AP3B2: variants seen among roughly 807,000 people sequenced by gnomAD.
The protein encoded by AP3B2 is adaptor related protein complex 3 subunit beta 2.
A neutral mutation model predicts 126.9 loss-of-function variants in AP3B2; 50 were observed. That is an observed-to-expected ratio of 0.39 (90% CI 0.31 to 0.50). The LOEUF is 0.50. Among genes scored for constraint, AP3B2 ranks in the 20% least tolerant of loss-of-function variants. The probability of loss-of-function intolerance (pLI) is 0.79; values close to 1 mark genes in which losing one functional copy is unlikely to be tolerated. For synonymous variants in AP3B2, 541 were observed against 565.0 expected (o/e 0.96, Z 0.60); for missense variants, 1,177 against 1,426.4 (o/e 0.83, Z 2.82).
chr15:82,674,558 C>A (rs2151436788), intron 14 of AP3B2, among the ~76,000 whole-genome samples: 1 of 152,336 alleles, frequency 6.6e-6, no homozygotes, highest in East Asian at 1.9e-4. Context: ...GCTGTTACTG[C>A]TGTGTTTAAA....
At chr15:82,666,066 A>C (rs1567257808) in intron 15 of AP3B2, among the ~76,000 whole-genome samples, 1 of 152,190 alleles carries the variant, frequency 6.6e-6, no homozygotes, top group Non-Finnish European at 1.5e-5. Context: ...CACCCTCAGA[A>C]TCTCCCCATT....
rs768334728 is a variant in AP3B2 at position 82,680,136 on chromosome 15, C to T, written c.1110+39G>A. ...ACGCCTCCAGTGCCCGCAGAAGCGGCCCTCGGACAGCGAGGACAGCCCGCC... is the reference window on the plus strand; with the variant it reads ...ACGCCTCCAGTGCCCGCAGAAGCGGTCCTCGGACAGCGAGGACAGCCCGCC... On this transcript the variant is annotated intron_variant, in intron 9 of 26. Transcript: ENST00000535359. The surrounding 1 kb of genome is among the most constrained non-coding windows in gnomAD (Gnocchi z 6.1). 2.2e-5 allele frequency: 36 copies of T among 1,611,420 alleles called. No homozygotes were observed. In the East Asian group the frequency reaches 8.0e-4, roughly 36 times the overall value.
chr15:82,694,001 C>CT (rs1164756124), intron 1 of AP3B2, among the ~76,000 whole-genome samples: 1 of 140,552 alleles, frequency 7.1e-6, no homozygotes, highest in African/African-American at 2.7e-5. Flanking sequence ...GCGCCCAGGC[C>CT]TTTTTTTCGT....
At chr15:82,659,803 G>GC in intron 26 of AP3B2, 42 bp downstream of exon 26, 1 of 1,609,940 alleles carries the variant, frequency 6.2e-7, no homozygotes, top group South Asian at 1.1e-5. Flanking sequence ...TCAAACCAGG[G>GC]CCCCCATGCT....
In AP3B2 at chr15:82,666,950, A is replaced by C; in HGVS notation, c.1666-17T>G. The stretch of plus-strand genomic sequence containing the variant: ...CAGCTTGGTCTGGAGGAACAGGAAG[A>C]GGTGGGTCAGCTGACGGGGGGATGG... On this transcript the variant is annotated splice_polypyrimidine_tract_variant and intron_variant, in intron 14 of 26. Transcript: ENST00000535359. 9 of 1,600,838 alleles carry C rather than the reference A, an allele frequency of 5.6e-6. No homozygotes were observed. Among genetic ancestry groups the C allele is most frequent in the Non-Finnish European group, 7.7e-6 (9 of 1,169,986 alleles).
intron 1 of AP3B2, among the ~76,000 whole-genome samples, chr15:82,703,033 G>T (rs2048743340): frequency 6.6e-6 from 1 of 151,670 alleles, no homozygotes; most frequent in African/African-American, 2.4e-5. Flanking sequence ...CTTAATTTCG[G>T]TTCCTTTCCT....
chr15:82,697,999 G>A (rs369417649), intron 1 of AP3B2: 4 of 152,636 alleles, frequency 2.6e-5, no homozygotes, highest in Non-Finnish European at 4.4e-5. Context: ...TGACAGAGCT[G>A]GGCACCAGCT....
At chr15:82,699,323 G>A (rs541176686) in intron 1 of AP3B2, 138 of 221,918 alleles carry the variant, frequency 6.2e-4, no homozygotes, top group African/African-American at 2.6e-3. Flanking sequence ...CCCAAACCTC[G>A]TCCAGAGCCC....
At chr15:82,668,221 C>CCA (rs2048091487) in intron 14 of AP3B2, among the ~76,000 whole-genome samples, 1 of 152,228 alleles carries the variant, frequency 6.6e-6, no homozygotes, top group Admixed American at 6.5e-5. Flanking sequence ...CCAATCTGGC[C>CCA]CACAGGCCCT....
chr15:82,689,639 T>C (rs142716854), intron 1 of AP3B2, 186 bp from the exon 2 acceptor site: 9 of 604,558 alleles, frequency 1.5e-5, no homozygotes, highest in African/African-American at 1.5e-4. Context: ...CCAGCTAATA[T>C]TGTGGGTTGA....
At chr15:82,670,790 C>A (rs1486114274) in intron 14 of AP3B2, among the ~76,000 whole-genome samples, 1 of 152,082 alleles carries the variant, frequency 6.6e-6, no homozygotes, top group African/African-American at 2.4e-5. Context: ...AATTTGCAAA[C>A]TACCCATCTG....
At chr15:82,685,160 A>T (rs576998071) in intron 4 of AP3B2, 2 of 152,354 alleles carry the variant, frequency 1.3e-5, no homozygotes, top group Non-Finnish European at 2.9e-5. Flanking sequence ...CAATAGTAAC[A>T]TCAAAGATCA....
Position 82,680,117 on chromosome 15 carries a change from C to T in AP3B2, c.1110+58G>A. 1 of 1,607,176 alleles carries T rather than the reference C, an allele frequency of 6.2e-7. No homozygotes were observed. The highest frequency in any genetic ancestry group is 8.5e-7 in the Non-Finnish European group (1 of 1,176,998). Reference sequence around the variant, plus strand: ...CCCGGTCCCAGCCCCGACAACGCCTCCAGTGCCCGCAGAAGCGGCCCTCGG... The same window carrying T: ...CCCGGTCCCAGCCCCGACAACGCCTTCAGTGCCCGCAGAAGCGGCCCTCGG... On this transcript the variant is annotated intron_variant, in intron 9 of 26. Transcript: ENST00000535359. The surrounding 1 kb of genome is among the most constrained non-coding windows in gnomAD (Gnocchi z 6.1).
chr15:82,684,853 G>A (rs911870019), intron 4 of AP3B2, among the ~76,000 whole-genome samples: 7 of 152,190 alleles, frequency 4.6e-5, no homozygotes, highest in African/African-American at 1.7e-4. Context: ...TTGGCTAAAT[G>A]TTTGGAGCAA....
At chr15:82,676,332 C>G (rs1413680079) in intron 14 of AP3B2, 129 bp downstream of exon 14, 1 of 968,472 alleles carries the variant, frequency 1.0e-6, no homozygotes, top group Non-Finnish European at 1.5e-6. Context: ...GCAGACCAGC[C>G]ACCTTCCCTG....
chr15:82,675,980 T>C (rs1420751359), intron 14 of AP3B2, among the ~76,000 whole-genome samples: 2 of 152,152 alleles, frequency 1.3e-5, no homozygotes, highest in African/African-American at 4.8e-5. Flanking sequence ...GTATCTCTTA[T>C]AACCTTTCAC....
intron 14 of AP3B2, among the ~76,000 whole-genome samples, chr15:82,670,003 CAA>C (rs964942203): frequency 0.016 from 180 of 11,114 alleles, no homozygotes; most frequent in Non-Finnish European, 0.023. Flanking sequence ...AACTCCATCT[CAA>C]AAAAAAAAAA....
intron 1 of AP3B2, among the ~76,000 whole-genome samples, chr15:82,700,503 A>C (rs1245577415): frequency 6.8e-6 from 1 of 146,578 alleles, no homozygotes; most frequent in Non-Finnish European, 1.5e-5. Flanking sequence ...GGTTCAAGCA[A>C]TTCTCCTGCC....
intron 1 of AP3B2, among the ~76,000 whole-genome samples, chr15:82,706,883 GC>G (rs1051540244): frequency 1.3e-5 from 2 of 151,018 alleles, no homozygotes; most frequent in African/African-American, 4.9e-5. Context: ...GATTGTTCAG[GC>G]CCCCTCCCTT....
Sources: allele counts gnomAD v4.1 joint callset (sites outside exome capture counted in the v4.1 genomes callset), GRCh38; gene constraint gnomAD v4.1.1; non-coding constraint Gnocchi (gnomAD v3.1); transcripts MANE v1.5; gene names NCBI Gene and HGNC (gene_info 2026-07-23, HGNC 2026-07-21).